VAV2: variants seen among roughly 807,000 people sequenced by gnomAD.
The protein encoded by VAV2 is guanine nucleotide exchange factor VAV2.
VAV2 carries 67 observed loss-of-function variants against 132.5 expected under a neutral mutation model. That is an observed-to-expected ratio of 0.51 (90% CI 0.42 to 0.62). The LOEUF (loss-of-function observed/expected upper bound fraction) is 0.62. Among genes scored for constraint, VAV2 ranks in the 20% least tolerant of loss-of-function variants. The pLI is 0.00. For missense variants in VAV2, 938 were observed against 1,153.6 expected (o/e 0.81, Z 2.71); for synonymous variants, 492 against 443.5 (o/e 1.11, Z -1.37).
At chr9:133,939,018 T>C in intron 2 of VAV2, 85 bp downstream of exon 2, 1 of 1,265,640 alleles carries the variant, frequency 7.9e-7, no homozygotes, top group South Asian at 1.2e-5. Context: ...ATCAGGCTGC[T>C]CCATGGATCT....
At chr9:133,920,934 T>C (rs1840275723) in intron 2 of VAV2, among the ~76,000 whole-genome samples, 1 of 152,230 alleles carries the variant, frequency 6.6e-6, no homozygotes, top group African/African-American at 2.4e-5. Context: ...TGGCCCTGAG[T>C]GCCCTCCGTG....
chr9:133,951,036 G>A (rs1841542862), intron 1 of VAV2, among the ~76,000 whole-genome samples: 5 of 152,194 alleles, frequency 3.3e-5, no homozygotes, highest in Admixed American at 6.5e-5. Context: ...TCTCCAGTCT[G>A]AAGGAACGAT....
At chr9:133,964,883 C>A (rs1842095340) in intron 1 of VAV2, among the ~76,000 whole-genome samples, 1 of 152,142 alleles carries the variant, frequency 6.6e-6, no homozygotes, top group Admixed American at 6.6e-5. Context: ...TGGGGAGAAC[C>A]TGAAAGCTTT....
intron 4 of VAV2, among the ~76,000 whole-genome samples, chr9:133,813,850 T>C (rs1835452352): frequency 6.6e-6 from 1 of 152,266 alleles, no homozygotes; most frequent in Non-Finnish European, 1.5e-5. Flanking sequence ...CCCCTCTGTG[T>C]GCCAGCGCCT....
chr9:133,838,525 A>AGATG, intron 3 of VAV2, among the ~76,000 whole-genome samples: 1 of 14,844 alleles, frequency 6.7e-5, no homozygotes, highest in African/African-American at 3.1e-4. Context: ...GTGGGTGGGT[A>AGATG]GATGGATGGA....
rs1842271850 is a variant in VAV2 at position 133,969,922 on chromosome 9, C to T, written c.204+22153G>A. On this transcript the variant is annotated intron_variant, in intron 1 of 29. Coordinates refer to ENST00000371850, the MANE Select transcript of VAV2 (RefSeq NM_001134398.2). The surrounding 1 kb of genome is among the most constrained non-coding windows in gnomAD (Gnocchi z 5.1). ...GCACGCCACATCTGCACCAACCCTG[C>T]CCAGGGTTCCCTGGCACACCCAGGA... 6.6e-6 allele frequency among the ~76,000 whole-genome samples: 1 copy of T among 152,136 alleles called. No individual in the cohort carries two copies. Among genetic ancestry groups the T allele is most frequent in the South Asian group, 2.1e-4 (1 of 4,832 alleles).
chr9:133,985,226 TTGTGTGTGTGTGTG>T (rs59748267), intron 1 of VAV2, among the ~76,000 whole-genome samples: 2,323 of 137,220 alleles, frequency 0.017, 70 homozygotes, highest in African/African-American at 0.058. Flanking sequence ...TCTTGCCTTA[TTGTGTGTGTGTGTG>T]TGTGTGTGTG....
intron 3 of VAV2, among the ~76,000 whole-genome samples, chr9:133,853,122 G>A (rs1837251384): frequency 6.6e-6 from 1 of 152,234 alleles, no homozygotes; most frequent in Non-Finnish European, 1.5e-5. Context: ...GGCAGGCCCA[G>A]GACAGCAGGA....
chr9:133,835,090 A>C (rs1438785181), intron 3 of VAV2, among the ~76,000 whole-genome samples: 1 of 152,130 alleles, frequency 6.6e-6, no homozygotes, highest in Non-Finnish European at 1.5e-5. Flanking sequence ...AACTTTAATC[A>C]TCTGGGCTCT....
At chr9:133,962,084 G>A (rs1273402435) in intron 1 of VAV2, among the ~76,000 whole-genome samples, 1 of 152,156 alleles carries the variant, frequency 6.6e-6, no homozygotes, top group Non-Finnish European at 1.5e-5. Flanking sequence ...ACTGGGGGTG[G>A]AGGGAATGAG....
At chr9:133,797,445 C>A (rs1588189018) in intron 10 of VAV2, among the ~76,000 whole-genome samples, 1 of 152,178 alleles carries the variant, frequency 6.6e-6, no homozygotes, top group East Asian at 1.9e-4. Context: ...CAGCCAGAGC[C>A]CCCAGCTGAG....
chr9:133,865,699 A>G (rs1055978545), intron 2 of VAV2, among the ~76,000 whole-genome samples: 1 of 152,116 alleles, frequency 6.6e-6, no homozygotes, highest in African/African-American at 2.4e-5. Context: ...CCCCTCCCAC[A>G]TGCTGATTTG....
intron 3 of VAV2, among the ~76,000 whole-genome samples, chr9:133,852,323 T>A (rs1837220708): frequency 6.8e-6 from 1 of 146,906 alleles, no homozygotes; most frequent in Admixed American, 6.9e-5. Flanking sequence ...CGTGGATAGA[T>A]GATGAATGAA....
At chr9:133,914,736 A>AG (rs1840003357) in intron 2 of VAV2, among the ~76,000 whole-genome samples, 1 of 2,948 alleles carries the variant, frequency 3.4e-4, no homozygotes. Flanking sequence ...GAGGGGGAGG[A>AG]GAGGGAAGGG....
At chr9:133,895,722 G>A (rs1839172514) in intron 2 of VAV2, among the ~76,000 whole-genome samples, 1 of 152,142 alleles carries the variant, frequency 6.6e-6, no homozygotes, top group Admixed American at 6.5e-5. Flanking sequence ...AATTAGTGGT[G>A]GATACATGGC....
intron 1 of VAV2, among the ~76,000 whole-genome samples, chr9:133,939,476 C>T (rs1228061110): frequency 3.3e-5 from 5 of 152,256 alleles, no homozygotes; most frequent in African/African-American, 4.8e-5. Context: ...TAGCCACCAC[C>T]GCCCCCAGCC....
At chr9:133,855,458 G>A (rs1837349387) in intron 3 of VAV2, among the ~76,000 whole-genome samples, 1 of 152,240 alleles carries the variant, frequency 6.6e-6, no homozygotes, top group Non-Finnish European at 1.5e-5. Context: ...AGCCAGCAAG[G>A]CACGGGGTTC....
chr9:133,879,788 G>T lies in VAV2; in HGVS notation c.322-18356C>A, dbSNP rs1838414707. 6.6e-6 allele frequency among the ~76,000 whole-genome samples: 1 copy of T among 152,092 alleles called. No individual in the cohort carries two copies. The highest frequency in any genetic ancestry group is 1.5e-5 in the Non-Finnish European group (1 of 68,022). ...CAATGTGAGCCCCTGCAGGAAAAAA[G>T]TCTAAAGTGATTTTTCCTCCCCGGT... On this transcript the variant is annotated intron_variant, in intron 2 of 29. Coordinates refer to ENST00000371850, the MANE Select transcript of VAV2 (RefSeq NM_001134398.2). This position sits in a 1 kb window ranked among gnomAD's most constrained non-coding sequence, Gnocchi z 4.4.
At chr9:133,921,788 T>C (rs577044461) in intron 2 of VAV2, among the ~76,000 whole-genome samples, 1 of 152,242 alleles carries the variant, frequency 6.6e-6, no homozygotes, top group East Asian at 1.9e-4. Flanking sequence ...CCTAAGCAAG[T>C]ATAAGAAATC....
Sources: allele counts gnomAD v4.1 joint callset (sites outside exome capture counted in the v4.1 genomes callset), GRCh38; gene constraint gnomAD v4.1.1; non-coding constraint Gnocchi (gnomAD v3.1); transcripts MANE v1.5; gene names NCBI Gene and HGNC (gene_info 2026-07-23, HGNC 2026-07-21).